The following FLRT2 variants were observed in gnomAD, a reference collection of about 807,000 sequenced individuals.
FLRT2 encodes fibronectin leucine rich transmembrane protein 2.
Under a neutral mutation model 40.0 loss-of-function variants are expected in FLRT2, and 15 were observed. The ratio of observed to expected loss-of-function variants is 0.38; its 90% CI spans 0.25 to 0.58. FLRT2 has a LOEUF of 0.58. FLRT2 is among the 20% of genes least tolerant of loss of function. The probability of loss-of-function intolerance (pLI) is 0.71; values close to 1 mark genes in which losing one functional copy is unlikely to be tolerated. For missense variants in FLRT2, 726 were observed against 840.0 expected (o/e 0.86, Z 1.68); for synonymous variants, 380 against 336.8 (o/e 1.13, Z -1.41).
Position 85,644,288 on chromosome 14 carries a change from A to G in FLRT2, c.*20791A>G, listed in dbSNP as rs2139402901. 6.6e-6 allele frequency: 1 copy of G among 152,346 alleles called. No individual in the cohort carries two copies. Among genetic ancestry groups the G allele is most frequent in the Non-Finnish European group, 1.5e-5 (1 of 68,028 alleles). 9.4% of individuals were successfully genotyped at this position (152,346 alleles called of 1,614,324 possible). On this transcript the variant is annotated 3_prime_UTR_variant, in exon 2 of 2. Transcript: ENST00000330753. ...ATTCAACTGAGCTATGGCATCTCCA[A>G]TGCAACTGTCAATTTAGAAATTTCT...
chr14:85,573,041 A>C (rs1890964167), intron 1 of FLRT2, among the ~76,000 whole-genome samples: 1 of 152,148 alleles, frequency 6.6e-6, no homozygotes, highest in African/African-American at 2.4e-5. Context: ...TTTTGTGTGC[A>C]TACATTTCTT....
intron 1 of FLRT2, among the ~76,000 whole-genome samples, chr14:85,604,246 G>A (rs1235212269): frequency 2.0e-5 from 3 of 152,184 alleles, no homozygotes; most frequent in Non-Finnish European, 4.4e-5. Flanking sequence ...GGAAAGGTAA[G>A]TGATGTGTCT....
intron 1 of FLRT2, among the ~76,000 whole-genome samples, chr14:85,610,782 G>A (rs1218104620): frequency 6.6e-6 from 1 of 152,180 alleles, no homozygotes; most frequent in South Asian, 2.1e-4. Context: ...ATCTGTGACT[G>A]CCATATTTAA....
chr14:85,600,266 T>C (rs1892326761), intron 1 of FLRT2, among the ~76,000 whole-genome samples: 1 of 152,202 alleles, frequency 6.6e-6, no homozygotes, highest in East Asian at 1.9e-4. Flanking sequence ...TGGTTTGAAG[T>C]TCCAGATGGA....
Position 85,642,670 on chromosome 14 carries a change from C to T in FLRT2, c.*19173C>T, listed in dbSNP as rs140423873. On this transcript the variant is annotated 3_prime_UTR_variant, in exon 2 of 2. Transcript: ENST00000330753. The stretch of plus-strand genomic sequence containing the variant: ...TAGGAAAAATCATAACCAGATTGGG[C>T]CATATTAGCCAATATGGGTACATAT... 2 of 151,836 alleles carry T rather than the reference C, an allele frequency of 1.3e-5. No individual in the cohort carries two copies. Among genetic ancestry groups the T allele is most frequent in the Non-Finnish European group, 2.9e-5 (2 of 67,954 alleles). 9.4% of individuals were successfully genotyped at this position (151,836 alleles called of 1,614,324 possible).
In FLRT2 at chr14:85,583,429, T is replaced by C. The variant is rs377077655; in HGVS notation, c.-376-37710T>C. Among the ~76,000 whole-genome samples the C allele has an allele frequency of 6.6e-5, 10 of 152,280 alleles. No individual in the cohort carries two copies. The East Asian group carries it at 9.7e-4, about 15-fold the overall frequency. On this transcript the variant is annotated intron_variant, in intron 1 of 1. Coordinates refer to ENST00000330753, the MANE Select transcript of FLRT2 (RefSeq NM_013231.6). ...TTGTAGTTGTCAAGGAGTTAATCCA[T>C]TGAGCAACTGATGAGCACTCTGTCC...
intron 1 of FLRT2, among the ~76,000 whole-genome samples, chr14:85,565,724 A>C (rs1890587623): frequency 6.6e-6 from 1 of 152,188 alleles, no homozygotes; most frequent in South Asian, 2.1e-4. Context: ...TGGAAGTAGC[A>C]TTAAAAGAAT....
chr14:85,627,308 T>G lies in FLRT2; in HGVS notation c.*3811T>G, dbSNP rs535259691. On this transcript the variant is annotated 3_prime_UTR_variant, in exon 2 of 2. Coordinates refer to ENST00000330753, the MANE Select transcript of FLRT2 (RefSeq NM_013231.6). ...GGTCTTGTCAAACCTTGCCTGATGC[T>G]CTTTCTAAAGTCAAAATATGAATGC... The G allele has an allele frequency of 6.0e-5, 10 of 167,210 alleles. No individual in the cohort carries two copies. The highest frequency in any genetic ancestry group is 2.4e-4 in the African/African-American group (10 of 41,576). The allele number at this position is 167,210 out of a possible 1,614,324, so 10.4% of individuals were successfully genotyped here. A position where few individuals can be genotyped will look rare whatever the true frequency, so the allele number is the denominator to read the frequency against.
At chr14:85,607,931 T>C (rs959830275) in intron 1 of FLRT2, among the ~76,000 whole-genome samples, 5 of 152,260 alleles carry the variant, frequency 3.3e-5, no homozygotes, top group East Asian at 3.9e-4. Context: ...CCTAGGCTTT[T>C]CTCCTCAGAT....
intron 1 of FLRT2, among the ~76,000 whole-genome samples, chr14:85,595,511 G>A (rs866172216): frequency 8.2e-6 from 1 of 122,040 alleles, no homozygotes; most frequent in Admixed American, 8.4e-5. Context: ...TAACTGATTT[G>A]CATACATTTC....
intron 1 of FLRT2, among the ~76,000 whole-genome samples, chr14:85,613,078 G>A (rs967001166): frequency 6.6e-6 from 1 of 151,970 alleles, no homozygotes; most frequent in South Asian, 2.1e-4. Flanking sequence ...GATTCTAACT[G>A]TGTGGAATGG....
At chr14:85,584,254 T>C (rs1043159237) in intron 1 of FLRT2, among the ~76,000 whole-genome samples, 1 of 152,200 alleles carries the variant, frequency 6.6e-6, no homozygotes, top group Non-Finnish European at 1.5e-5. Flanking sequence ...GAAAATGCCT[T>C]TTTTGAATGA....
chr14:85,565,187 C>T (rs187528521), intron 1 of FLRT2, among the ~76,000 whole-genome samples: 220 of 152,260 alleles, frequency 1.4e-3, no homozygotes, highest in Non-Finnish European at 1.3e-3. Flanking sequence ...ATTTTCTGAA[C>T]GAAGATAATG....
chr14:85,567,581 A>G (rs1204291607), intron 1 of FLRT2, among the ~76,000 whole-genome samples: 1 of 150,466 alleles, frequency 6.6e-6, no homozygotes, highest in African/African-American at 2.4e-5. Flanking sequence ...GGATTGAAAG[A>G]GTTAGTATTG....
chr14:85,570,565 ATTTATTT>A (rs1288048847), intron 1 of FLRT2, among the ~76,000 whole-genome samples: 1 of 84,916 alleles, frequency 1.2e-5, no homozygotes, highest in East Asian at 2.8e-4. Flanking sequence ...TATTTATTTT[ATTTATTT>A]ATTTATTTAT....
intron 1 of FLRT2, among the ~76,000 whole-genome samples, chr14:85,560,202 T>A (rs1040612336): frequency 1.3e-5 from 2 of 152,138 alleles, no homozygotes; most frequent in Admixed American, 1.3e-4. Context: ...CTTGTGTCTA[T>A]AGGTGAGAAG....
chr14:85,571,900 A>G (rs1890907812), intron 1 of FLRT2, among the ~76,000 whole-genome samples: 1 of 152,224 alleles, frequency 6.6e-6, no homozygotes, highest in African/African-American at 2.4e-5. Flanking sequence ...GGATAGTGCC[A>G]GTTTACTAGC....
chr14:85,588,368 A>G (rs1052428392), intron 1 of FLRT2, among the ~76,000 whole-genome samples: 10 of 152,032 alleles, frequency 6.6e-5, no homozygotes, highest in African/African-American at 2.4e-4. Context: ...CCTTCAAGGC[A>G]GGTATGCTGT....
In FLRT2 at chr14:85,623,020, C is replaced by A; in HGVS notation, c.1506C>A (p.Arg502=). 6.2e-7 allele frequency: 1 copy of A among 1,614,186 alleles called. No homozygotes were observed. Among genetic ancestry groups the A allele is most frequent in the Non-Finnish European group, 8.5e-7 (1 of 1,180,026 alleles). Residue 502 remains arginine (R), a synonymous_variant, in exon 2 of 2, where the codon CGC becomes CGA. Transcript: ENST00000330753. ...TGCCACTGGATGCTTTTAACTACCG[C>A]GCGGTAGAAGACACCATTTGTTCAG... is the stretch of plus-strand genomic sequence containing the variant. ...CLVPLDAFNY[R]AVEDTICSEA...
Sources: gnomAD v4.1 joint callset for allele counts (sites outside exome capture counted in the v4.1 genomes callset) on GRCh38, gnomAD v4.1.1 for gene constraint, MANE v1.5 for transcripts, NCBI Gene and HGNC (gene_info 2026-07-23, HGNC 2026-07-21) for gene names.